The following ARHGAP11B variants were observed in gnomAD, a reference collection of about 807,000 sequenced individuals.
The protein encoded by ARHGAP11B is Rho GTPase activating protein 11B, also known as inactive Rho GTPase-activating protein 11B.
A neutral mutation model predicts 27.6 loss-of-function variants in ARHGAP11B; 14 were observed. The observed-to-expected ratio is 0.51, with a 90% confidence interval of 0.34 to 0.79. The LOEUF (loss-of-function observed/expected upper bound fraction) is 0.79, where lower values mean the gene tolerates loss of function less well. Ranked by LOEUF, ARHGAP11B falls within the 30% of genes least tolerant of loss-of-function variation. The pLI is 0.02. For synonymous variants in ARHGAP11B, 82 were observed against 114.1 expected (o/e 0.72, Z 1.80); for missense variants, 245 against 320.1 (o/e 0.77, Z 1.79).
exon 11 of ARHGAP11B, among the ~76,000 whole-genome samples, chr15:30,648,515 T>C (rs80252524): frequency 0.025 from 3,749 of 152,134 alleles, 146 homozygotes; most frequent in African/African-American, 0.079. Context: ...CTTTAATTGC[T>C]GAGTCGAAGT....
At chr15:30,627,814 G>A (rs528366808) in intron 1 of ARHGAP11B, among the ~76,000 whole-genome samples, 3 of 151,996 alleles carry the variant, frequency 2.0e-5, no homozygotes, top group Non-Finnish European at 4.4e-5. Flanking sequence ...GCTTTTAATA[G>A]TTTATGGTTT....
At chr15:30,629,959 A>G (rs1375583848) in intron 1 of ARHGAP11B, among the ~76,000 whole-genome samples, 2 of 152,112 alleles carry the variant, frequency 1.3e-5, no homozygotes. Flanking sequence ...GCACGCACAA[A>G]GATAGTGGCA....
chr15:30,633,400 G>C (rs1458306383), intron 2 of ARHGAP11B, 90 bp from the exon 3 acceptor site: 6 of 1,177,598 alleles, frequency 5.1e-6, no homozygotes, highest in Non-Finnish European at 7.2e-6. Context: ...GCCTCTGAAA[G>C]GTCTGTAGTG....
chr15:30,627,877 C>T (rs1333671020), intron 1 of ARHGAP11B, among the ~76,000 whole-genome samples: 1 of 151,874 alleles, frequency 6.6e-6, no homozygotes, highest in African/African-American at 2.4e-5. Flanking sequence ...ATATGTGTGT[C>T]TCTTAATCGC....
At chr15:30,644,719 C>G (rs549962935) in intron 8 of ARHGAP11B, 15 of 1,509,734 alleles carry the variant, frequency 9.9e-6, no homozygotes, top group Admixed American at 5.2e-5. Context: ...TCATAAAGGA[C>G]TTATCGAACA....
Position 30,635,660 on chromosome 15 carries a change from G to A in ARHGAP11B, c.*3+27G>A, listed in dbSNP as rs759468413. The A allele has an allele frequency of 1.9e-5, 31 of 1,610,998 alleles. 2 individuals carry two copies. The highest frequency in any genetic ancestry group is 2.7e-5 in the African/African-American group (2 of 74,694). On this transcript the variant is annotated intron_variant, in intron 6 of 10. Coordinates refer to ENST00000428041, the Ensembl canonical transcript of ARHGAP11B. Reference sequence around the variant, plus strand: ...TAAGTGGTGGTCCCATTTTATGGAGGTACAGTGATTTGCTTTAATCGAAAG... The same window carrying A: ...TAAGTGGTGGTCCCATTTTATGGAGATACAGTGATTTGCTTTAATCGAAAG...
chr15:30,631,520 G>A (rs537489628), intron 2 of ARHGAP11B, among the ~76,000 whole-genome samples: 4 of 151,844 alleles, frequency 2.6e-5, no homozygotes, highest in African/African-American at 9.7e-5. Flanking sequence ...AGAAAAATCA[G>A]CTGGGCAAGG....
chr15:30,633,649 T>G (rs2060259938), intron 3 of ARHGAP11B, 63 bp downstream of exon 3: 1 of 1,475,326 alleles, frequency 6.8e-7, no homozygotes, highest in Non-Finnish European at 9.3e-7. Context: ...TTTTTAAAAC[T>G]GAAATATTTA....
chr15:30,635,252 T>C (rs1488955783), intron 5 of ARHGAP11B, 64 bp downstream of exon 5: 10 of 1,577,038 alleles, frequency 6.3e-6, no homozygotes, highest in South Asian at 2.3e-5. Context: ...TGGTAAGATG[T>C]AGTTGCATTA....
At chr15:30,642,138 G>T (rs1317449807) in intron 7 of ARHGAP11B, among the ~76,000 whole-genome samples, 1 of 151,836 alleles carries the variant, frequency 6.6e-6, no homozygotes, top group Non-Finnish European at 1.5e-5. Context: ...TTCTAAGGTG[G>T]TTGTATTTTT....
At chr15:30,647,043 T>C (rs1353930048) in intron 9 of ARHGAP11B, among the ~76,000 whole-genome samples, 5 of 151,938 alleles carry the variant, frequency 3.3e-5, no homozygotes, top group Non-Finnish European at 7.4e-5. Flanking sequence ...GAACTGCCCA[T>C]GTGGAATGGG....
chr15:30,644,508 T>A (rs2060334421), intron 7 of ARHGAP11B: 1 of 564,084 alleles, frequency 1.8e-6, no homozygotes, highest in African/African-American at 1.9e-5. Flanking sequence ...ATCGTTCTTA[T>A]TGTTTTTGGT....
At chr15:30,632,620 C>T (rs923803822) in intron 2 of ARHGAP11B, among the ~76,000 whole-genome samples, 3 of 150,600 alleles carry the variant, frequency 2.0e-5, no homozygotes, top group Non-Finnish European at 4.4e-5. Flanking sequence ...TGTTGGTAGC[C>T]GATATTCATT....
intron 4 of ARHGAP11B, 65 bp from the exon 5 acceptor site, chr15:30,635,015 C>T (rs971875372): frequency 1.2e-5 from 19 of 1,533,698 alleles, no homozygotes; most frequent in Middle Eastern, 1.7e-4. Context: ...GTACTACATA[C>T]GTTATTTTAA....
intron 7 of ARHGAP11B, among the ~76,000 whole-genome samples, chr15:30,639,563 G>A (rs1024658987): frequency 5.3e-5 from 8 of 152,032 alleles, no homozygotes; most frequent in African/African-American, 1.9e-4. Flanking sequence ...GCTTTTATAT[G>A]TTGTCAACTC....
intron 1 of ARHGAP11B, among the ~76,000 whole-genome samples, chr15:30,627,656 A>G (rs1228004254): frequency 6.6e-6 from 1 of 151,952 alleles, no homozygotes; most frequent in African/African-American, 2.4e-5. Context: ...AGGGATTTTG[A>G]ATGAGATTTT....
At chr15:30,628,665 G>T (rs142722356) in intron 1 of ARHGAP11B, among the ~76,000 whole-genome samples, 2 of 151,950 alleles carry the variant, frequency 1.3e-5, no homozygotes, top group Non-Finnish European at 2.9e-5. Context: ...TGGTAATCAC[G>T]CCATATAAAT....
At chr15:30,628,390 C>T (rs897695229) in intron 1 of ARHGAP11B, among the ~76,000 whole-genome samples, 3 of 151,984 alleles carry the variant, frequency 2.0e-5, no homozygotes, top group African/African-American at 7.2e-5. Flanking sequence ...CTTTTCACCC[C>T]TTAACAAGAA....
chr15:30,628,845 G>A (rs559097677), intron 1 of ARHGAP11B, among the ~76,000 whole-genome samples: 77 of 152,078 alleles, frequency 5.1e-4, no homozygotes, highest in African/African-American at 1.8e-3. Flanking sequence ...AAATTTTAGT[G>A]GTTACTTGTG....
Sources: gnomAD v4.1 joint callset for allele counts (sites outside exome capture counted in the v4.1 genomes callset) on GRCh38, gnomAD v4.1.1 for gene constraint, MANE v1.5 for transcripts, NCBI Gene and HGNC (gene_info 2026-07-23, HGNC 2026-07-21) for gene names.